CDA: variants seen among roughly 807,000 people sequenced by gnomAD.
CDA encodes cytidine aminohydrolase.
CDA carries 7 observed loss-of-function variants against 15.0 expected under a neutral mutation model. The ratio of observed to expected loss-of-function variants is 0.47; its 90% CI spans 0.26 to 0.87. CDA has a LOEUF of 0.87. CDA is among the 40% of genes least tolerant of loss of function. The pLI is 0.15. For missense variants in CDA, 159 were observed against 182.7 expected (o/e 0.87, Z 0.75); for synonymous variants, 58 against 73.0 (o/e 0.79, Z 1.05).
chr1:20,592,263 C>T (rs944233042), intron 1 of CDA, among the ~76,000 whole-genome samples: 9 of 152,132 alleles, frequency 5.9e-5, no homozygotes, highest in Non-Finnish European at 8.8e-5. Context: ...TCACTCTGAT[C>T]GGTTGGTGCC....
At chr1:20,591,445 C>T (rs2101173350) in intron 1 of CDA, among the ~76,000 whole-genome samples, 1 of 152,346 alleles carries the variant, frequency 6.6e-6, no homozygotes, top group East Asian at 1.9e-4. Flanking sequence ...ACCTCTGTCA[C>T]CCTCATACTG....
At chr1:20,591,703 G>A (rs995657547) in intron 1 of CDA, among the ~76,000 whole-genome samples, 5 of 152,148 alleles carry the variant, frequency 3.3e-5, no homozygotes, top group Non-Finnish European at 5.9e-5. Context: ...TTGTGTGATG[G>A]GGATTTAGAG....
chr1:20,612,539 A>G (rs1442038758), intron 2 of CDA, among the ~76,000 whole-genome samples: 1 of 151,738 alleles, frequency 6.6e-6, no homozygotes, highest in Non-Finnish European at 1.5e-5. Context: ...AACCCCCTTT[A>G]ACTGTAATTT....
chr1:20,604,621 T>C (rs1457113956), intron 1 of CDA, among the ~76,000 whole-genome samples: 1 of 152,150 alleles, frequency 6.6e-6, no homozygotes, highest in Non-Finnish European at 1.5e-5. Context: ...ACCCTGGCCT[T>C]GACCTCTGCA....
intron 1 of CDA, among the ~76,000 whole-genome samples, chr1:20,603,307 T>C (rs1000467415): frequency 6.6e-6 from 1 of 152,196 alleles, no homozygotes; most frequent in African/African-American, 2.4e-5. Context: ...TCTCTTTTTC[T>C]CTCACACAAC....
intron 1 of CDA, among the ~76,000 whole-genome samples, chr1:20,595,506 T>TA (rs2052584859): frequency 6.6e-6 from 1 of 152,054 alleles, no homozygotes; most frequent in African/African-American, 2.4e-5. Context: ...CTGGTCTAGG[T>TA]AAGAGCAAGC....
chr1:20,590,698 G>A (rs926081518), intron 1 of CDA, among the ~76,000 whole-genome samples: 5 of 152,212 alleles, frequency 3.3e-5, no homozygotes, highest in Non-Finnish European at 7.3e-5. Context: ...CAGGAGCTGT[G>A]TCTTGAATCT....
rs1459163525 is a variant in CDA at position 20,614,453 on chromosome 1, C to T, written c.324+554C>T. On this transcript the variant is annotated intron_variant, in intron 3 of 3. Transcript: ENST00000375071. ...CCATTCATTCACCTATTGTCCATAG[C>T]CACTTTGCCCTGACACAGCAGAGGT... Among the ~76,000 whole-genome samples the T allele has an allele frequency of 1.1e-4, 16 of 152,176 alleles. 1 individual carries two copies.
intron 1 of CDA, among the ~76,000 whole-genome samples, chr1:20,600,928 A>G (rs2052638152): frequency 6.6e-6 from 1 of 152,172 alleles, no homozygotes; most frequent in Admixed American, 6.5e-5. Context: ...AGCTATAATA[A>G]CTAACATTTA....
rs2052524604 is a variant in CDA, at chr1:20,589,122, G to C, written c.-8G>C. ...CCCGCTGCTCTGCTGCCTGCCCGGG[G>C]TACCAACATGGCCCAGAAGCGTCCT... On this transcript the variant is annotated 5_prime_UTR_variant, in exon 1 of 4. Transcript: ENST00000375071. The C allele has an allele frequency of 1.2e-6, 2 of 1,614,058 alleles. No homozygotes were observed. The highest frequency in any genetic ancestry group is 1.7e-6 in the Non-Finnish European group (2 of 1,180,008).
At chr1:20,607,899 C>G (rs1441237971) in intron 2 of CDA, among the ~76,000 whole-genome samples, 1 of 152,114 alleles carries the variant, frequency 6.6e-6, no homozygotes, top group Non-Finnish European at 1.5e-5. Context: ...GGATGGAGAC[C>G]GCACTCAGGA....
intron 1 of CDA, 47 bp from the exon 2 acceptor site, chr1:20,604,881 G>T: frequency 8.0e-7 from 1 of 1,245,820 alleles, no homozygotes; most frequent in Non-Finnish European, 1.2e-6. Context: ...ACACGCAACA[G>T]GAAGTGTCTC....
intron 1 of CDA, among the ~76,000 whole-genome samples, chr1:20,601,859 T>G (rs2052647138): frequency 6.6e-6 from 1 of 152,144 alleles, no homozygotes; most frequent in Non-Finnish European, 1.5e-5. Flanking sequence ...CTGGGCACCG[T>G]GGCTCACACC....
At chr1:20,604,816 G>A (rs957056264) in intron 1 of CDA, 112 bp from the exon 2 acceptor site, 4 of 754,852 alleles carry the variant, frequency 5.3e-6, no homozygotes, top group Non-Finnish European at 9.4e-6. Context: ...TCCCCACCTT[G>A]TTTGGAGTAA....
At chr1:20,601,200 C>T (rs182165520) in intron 1 of CDA, among the ~76,000 whole-genome samples, 2 of 152,286 alleles carry the variant, frequency 1.3e-5, no homozygotes, top group African/African-American at 4.8e-5. Context: ...CCATTTCAGC[C>T]TCTCTCATTG....
intron 2 of CDA, among the ~76,000 whole-genome samples, chr1:20,611,586 G>A (rs1029163676): frequency 1.3e-5 from 2 of 152,072 alleles, no homozygotes; most frequent in Non-Finnish European, 2.9e-5. Flanking sequence ...CCACCATGTT[G>A]GCCAGGATGG....
At chr1:20,600,228 G>A (rs1381287420) in intron 1 of CDA, among the ~76,000 whole-genome samples, 4 of 152,178 alleles carry the variant, frequency 2.6e-5, no homozygotes, top group Non-Finnish European at 4.4e-5. Flanking sequence ...GTGCTTTAAC[G>A]GCATGTCAGC....
intron 1 of CDA, among the ~76,000 whole-genome samples, chr1:20,600,753 C>CA (rs5772908): frequency 0.1 from 12,209 of 121,008 alleles, 822 homozygotes; most frequent in African/African-American, 0.19. Flanking sequence ...GACTCTGTCT[C>CA]AAAAAAAAAA....
At chr1:20,589,432 C>A in intron 1 of CDA, 149 bp downstream of exon 1, 1 of 788,688 alleles carries the variant, frequency 1.3e-6, no homozygotes, top group Non-Finnish European at 2.1e-6. Flanking sequence ...ATGTTCCTAC[C>A]CTGCCGACTG....
Sources: allele counts gnomAD v4.1 joint callset (sites outside exome capture counted in the v4.1 genomes callset), GRCh38; gene constraint gnomAD v4.1.1; transcripts MANE v1.5; gene names NCBI Gene and HGNC (gene_info 2026-07-23, HGNC 2026-07-21).